KHDRBS2: variants seen among roughly 807,000 people sequenced by gnomAD.
KHDRBS2 encodes the protein KH RNA binding domain containing, signal transduction associated 2.
A neutral mutation model predicts 44.3 loss-of-function variants in KHDRBS2; 26 were observed. The ratio of observed to expected loss-of-function variants is 0.59; its 90% CI spans 0.43 to 0.81. The LOEUF (loss-of-function observed/expected upper bound fraction) is 0.81, where lower values mean the gene tolerates loss of function less well. Ranked by LOEUF, KHDRBS2 falls within the 40% of genes least tolerant of loss-of-function variation. The pLI is 0.00. For missense variants in KHDRBS2, 476 were observed against 433.1 expected, an observed-to-expected ratio of 1.10 and a Z score of -0.88; for synonymous variants, 194 against 151.1, an observed-to-expected ratio of 1.28 and a Z score of -2.08.
At chr6:61,943,704 T>C (rs925740371) in intron 4 of KHDRBS2, among the ~76,000 whole-genome samples, 5 of 152,036 alleles carry the variant, frequency 3.3e-5, no homozygotes, top group African/African-American at 1.2e-4. Context: ...CAATAAATAG[T>C]GAAGAGAAAA....
chr6:62,060,600 T>G (rs1428293281), intron 2 of KHDRBS2, among the ~76,000 whole-genome samples: 1 of 148,490 alleles, frequency 6.7e-6, no homozygotes. Context: ...GGTCTCTCTC[T>G]CTCTCTCTGT....
chr6:62,176,700 T>G (rs1188952083), intron 2 of KHDRBS2, among the ~76,000 whole-genome samples: 1 of 151,274 alleles, frequency 6.6e-6, no homozygotes, highest in African/African-American at 2.4e-5. Context: ...CATAATTATT[T>G]TATGAATAAA....
At chr6:62,138,038 G>A (rs1452867880) in intron 2 of KHDRBS2, among the ~76,000 whole-genome samples, 1 of 152,076 alleles carries the variant, frequency 6.6e-6, no homozygotes, top group East Asian at 1.9e-4. Context: ...CATTGCCTAG[G>A]ACCCCAGCTG....
intron 2 of KHDRBS2, among the ~76,000 whole-genome samples, chr6:62,103,468 G>T (rs1041894366): frequency 6.6e-6 from 1 of 152,210 alleles, no homozygotes; most frequent in Non-Finnish European, 1.5e-5. Context: ...GTTCTGCATG[G>T]AGTGGGCACT....
At chr6:61,568,102 C>CAATA in the KHDRBS2 span, among the ~76,000 whole-genome samples, 1 of 152,118 alleles carries the variant, frequency 6.6e-6, no homozygotes, top group African/African-American at 2.4e-5. Flanking sequence ...AAAGTGTCCT[C>CAATA]TCTTCAGTGT....
rs564072265 is a variant in KHDRBS2, at chr6:61,721,758, G to T, written c.893+10924C>A. 5.1e-4 allele frequency among the ~76,000 whole-genome samples: 53 copies of T among 103,634 alleles called. 13 individuals carry two copies. The East Asian group carries it at 0.018, about 35-fold the overall frequency. The allele number at this position is 103,634 out of a possible 152,430, so 68.0% of individuals were successfully genotyped here. On this transcript the variant is annotated intron_variant, in intron 7 of 8. Coordinates refer to ENST00000281156, the MANE Select transcript of KHDRBS2 (RefSeq NM_152688.4). ...AATTTGACTTCCTCTTTTCCTAATTGAATACCTTTTATTTCCTTCTCCTGC... is the reference window on the plus strand; with the variant it reads ...AATTTGACTTCCTCTTTTCCTAATTTAATACCTTTTATTTCCTTCTCCTGC...
At chr6:61,649,359 C>G in the KHDRBS2 span, among the ~76,000 whole-genome samples, 4 of 152,046 alleles carry the variant, frequency 2.6e-5, no homozygotes, top group African/African-American at 9.7e-5. Flanking sequence ...GTTTATGTAG[C>G]CTATTTTAAA....
chr6:61,660,590 T>A, the KHDRBS2 span, among the ~76,000 whole-genome samples: 1 of 151,804 alleles, frequency 6.6e-6, no homozygotes, highest in Non-Finnish European at 1.5e-5. Context: ...ATCATCTGTA[T>A]CTCTGATCAG....
the KHDRBS2 span, among the ~76,000 whole-genome samples, chr6:61,655,221 T>TACAC: frequency 1.8e-5 from 2 of 112,168 alleles, no homozygotes; most frequent in South Asian, 3.3e-4. Flanking sequence ...AATACATACA[T>TACAC]ACATACACAC....
chr6:61,821,902 C>T (rs946617978), intron 6 of KHDRBS2, among the ~76,000 whole-genome samples: 9 of 151,896 alleles, frequency 5.9e-5, no homozygotes, highest in Admixed American at 1.3e-4. Context: ...TACTAGTATG[C>T]ACACTCCAGA....
chr6:61,657,050 A>G, the KHDRBS2 span, among the ~76,000 whole-genome samples: 7 of 151,914 alleles, frequency 4.6e-5, no homozygotes, highest in African/African-American at 7.2e-5. Context: ...AAAAAGTGCA[A>G]CTACTCAAAA....
chr6:62,060,598 T>A (rs1285568158), intron 2 of KHDRBS2, among the ~76,000 whole-genome samples: 1 of 149,818 alleles, frequency 6.7e-6, no homozygotes, highest in Non-Finnish European at 1.5e-5. Context: ...AAGGTCTCTC[T>A]CTCTCTCTCT....
chr6:61,786,935 A>G (rs1783910503), intron 6 of KHDRBS2, among the ~76,000 whole-genome samples: 1 of 151,494 alleles, frequency 6.6e-6, no homozygotes, highest in African/African-American at 2.4e-5. Context: ...CCCAATAACA[A>G]TTTAAAAAAT....
intron 4 of KHDRBS2, among the ~76,000 whole-genome samples, chr6:61,967,932 G>GTATATA (rs369326330): frequency 1.8e-3 from 206 of 116,986 alleles, no homozygotes; most frequent in East Asian, 5.0e-3. Flanking sequence ...ATACACACAC[G>GTATATA]TATATATATA....
intron 4 of KHDRBS2, among the ~76,000 whole-genome samples, chr6:61,962,811 C>A (rs1308538507): frequency 6.6e-6 from 1 of 152,060 alleles, no homozygotes; most frequent in Non-Finnish European, 1.5e-5. Context: ...TTATACAAAT[C>A]AGATTTAGAA....
intron 5 of KHDRBS2, among the ~76,000 whole-genome samples, chr6:61,899,014 A>G (rs1462343246): frequency 6.6e-6 from 1 of 151,508 alleles, no homozygotes; most frequent in African/African-American, 2.4e-5. Context: ...CTAACATAAA[A>G]TGTTCATAAA....
intron 1 of KHDRBS2, among the ~76,000 whole-genome samples, chr6:62,264,952 C>A (rs6908177): frequency 0.17 from 26,484 of 151,506 alleles, 2,565 homozygotes; most frequent in African/African-American, 0.27. Context: ...CATCCCTGCC[C>A]CTACCCACTG....
At chr6:62,147,652 A>C (rs1313741701) in intron 2 of KHDRBS2, among the ~76,000 whole-genome samples, 1 of 151,996 alleles carries the variant, frequency 6.6e-6, no homozygotes, top group Non-Finnish European at 1.5e-5. Flanking sequence ...AACATTTTTG[A>C]AAATGTGCCC....
chr6:61,683,669 A>C (rs1300678554), intron 8 of KHDRBS2, among the ~76,000 whole-genome samples: 1 of 151,938 alleles, frequency 6.6e-6, no homozygotes, highest in Non-Finnish European at 1.5e-5. Context: ...CTAAGTATCA[A>C]AAATATTTCA....
Sources: allele counts gnomAD v4.1 joint callset (sites outside exome capture counted in the v4.1 genomes callset), GRCh38; gene constraint gnomAD v4.1.1; transcripts MANE v1.5; gene names NCBI Gene and HGNC (gene_info 2026-07-23, HGNC 2026-07-21).